ZEB2: variants seen among roughly 807,000 people sequenced by gnomAD.
ZEB2 encodes zinc finger E-box-binding homeobox 2.
Under a neutral mutation model 99.9 loss-of-function variants are expected in ZEB2, and 6 were observed. The ratio of observed to expected loss-of-function variants is 0.06; its 90% CI spans 0.03 to 0.12. The LOEUF is 0.12. ZEB2 is among the 10% of genes least tolerant of loss of function. The probability of loss-of-function intolerance (pLI) is 1.00; values close to 1 mark genes in which losing one functional copy is unlikely to be tolerated. For synonymous variants in ZEB2, 517 were observed against 542.5 expected (o/e 0.95, Z 0.65); for missense variants, 969 against 1,502.8 (o/e 0.64, Z 5.87).
At chr2:144,416,597 T>C (rs1703543070) in intron 4 of ZEB2, among the ~76,000 whole-genome samples, 1 of 152,186 alleles carries the variant, frequency 6.6e-6, no homozygotes, top group Non-Finnish European at 1.5e-5. Flanking sequence ...TTCTCTCCTA[T>C]CATCATTCTG....
chr2:144,514,071 C>T (rs1560658901), intron 2 of ZEB2: 6 of 479,080 alleles, frequency 1.3e-5, no homozygotes, highest in South Asian at 3.0e-5. Flanking sequence ...ACTGACTGCC[C>T]GCTATGGGTT....
intron 2 of ZEB2, among the ~76,000 whole-genome samples, chr2:144,468,769 C>G (rs574935898): frequency 6.6e-6 from 1 of 152,204 alleles, no homozygotes; most frequent in South Asian, 2.1e-4. Flanking sequence ...AAACTCAGAG[C>G]ATATTCTGGG....
At position 144,384,797 on chromosome 2, in the gene ZEB2, A is replaced by G. The variant is rs1157790348; in HGVS notation, c.*4654T>C. ...AAAAATCACTGTGCACAGTTTAACAATTTAATTGAAAAAACCAAAGCTAAG... is the reference window on the plus strand; with the variant it reads ...AAAAATCACTGTGCACAGTTTAACAGTTTAATTGAAAAAACCAAAGCTAAG... On this transcript the variant is annotated 3_prime_UTR_variant, in exon 10 of 10. Transcript: ENST00000627532. 1 of 152,120 alleles carries G rather than the reference A, an allele frequency of 6.6e-6. No individual in the cohort carries two copies. The highest frequency in any genetic ancestry group is 1.5e-5 in the Non-Finnish European group (1 of 68,000). The allele number at this position is 152,120 out of a possible 1,614,324, so 9.4% of individuals were successfully genotyped here.
chr2:144,421,885 C>A (rs1055226678), intron 4 of ZEB2, among the ~76,000 whole-genome samples: 2 of 152,158 alleles, frequency 1.3e-5, no homozygotes, highest in African/African-American at 4.8e-5. Context: ...TTCCTATATT[C>A]CCATATCTAT....
chr2:144,455,622 C>A (rs1451461192), intron 2 of ZEB2, among the ~76,000 whole-genome samples: 2 of 152,130 alleles, frequency 1.3e-5, no homozygotes, highest in African/African-American at 4.8e-5. Flanking sequence ...TAACTTTATA[C>A]TCTTCTATGT....
At chr2:144,446,026 C>T (rs1703978417) in intron 2 of ZEB2, among the ~76,000 whole-genome samples, 1 of 152,136 alleles carries the variant, frequency 6.6e-6, no homozygotes, top group Non-Finnish European at 1.5e-5. Context: ...ACTCTACCTG[C>T]AGTGCCGTCT....
chr2:144,504,687 A>G (rs1253755945), intron 2 of ZEB2: 2 of 152,150 alleles, frequency 1.3e-5, no homozygotes, highest in African/African-American at 4.8e-5. Context: ...CACGTGTAAT[A>G]CCTCTGCTGC....
intron 2 of ZEB2, among the ~76,000 whole-genome samples, chr2:144,507,040 A>C (rs1015135702): frequency 6.6e-6 from 1 of 152,184 alleles, no homozygotes; most frequent in Non-Finnish European, 1.5e-5. Flanking sequence ...GTTTATCCTG[A>C]AGATTTAAAA....
At position 144,399,923 on chromosome 2, in the gene ZEB2, C is replaced by T. The variant is rs141793065; in HGVS notation, c.1264G>A (p.Ala422Thr). The change falls in exon 8 of 10, where the codon GCC (alanine) becomes ACC (threonine). Residue 422 changes from alanine to threonine, a missense_variant. By Grantham distance (58) the Ala-to-Thr change is moderately conservative. This residue lies in a region of ZEB2 where 227 missense variants were observed against 278.2 expected (regional missense o/e 0.82). Transcript: ENST00000627532. This position sits in a 1 kb window ranked among gnomAD's most constrained non-coding sequence, Gnocchi z 5.6. ...GGATGAACTCCTAAAGGGCTGGTGG[C>T]TCCAAGCCCACCATTCATAAAGGGA... ...TSPFMNGGLG[A>T]TSPLGVHPSA... is the part of the protein sequence containing the mutation. The T allele has an allele frequency of 2.8e-5, 46 of 1,614,200 alleles. No individual in the cohort carries two copies. Among genetic ancestry groups the T allele is most frequent in the Non-Finnish European group, 3.8e-5 (45 of 1,180,028 alleles).
At chr2:144,446,292 TC>T (rs1703982660) in intron 2 of ZEB2, among the ~76,000 whole-genome samples, 2 of 152,042 alleles carry the variant, frequency 1.3e-5, no homozygotes. Context: ...TATTGAATCA[TC>T]CTTTCCCCTC....
At chr2:144,486,441 C>A (rs1327619933) in intron 2 of ZEB2, among the ~76,000 whole-genome samples, 3 of 151,484 alleles carry the variant, frequency 2.0e-5, no homozygotes, top group Non-Finnish European at 4.4e-5. Flanking sequence ...AATGGTCATT[C>A]AAGTGGAACT....
chr2:144,464,394 T>A (rs982789977), intron 2 of ZEB2: 1 of 152,178 alleles, frequency 6.6e-6, no homozygotes, highest in African/African-American at 2.4e-5. Flanking sequence ...AAATCTACCA[T>A]TTGGTTATTT....
At chr2:144,470,353 T>A (rs1194160749) in intron 2 of ZEB2, 1 of 152,130 alleles carries the variant, frequency 6.6e-6, no homozygotes. Flanking sequence ...GAGAAAAAAT[T>A]TGAAGTCATA....
At position 144,388,377 on chromosome 2, in the gene ZEB2, C is replaced by T. The variant is rs1164453180; in HGVS notation, c.*1074G>A. 1 of 152,452 alleles carries T rather than the reference C, an allele frequency of 6.6e-6. No individual in the cohort carries two copies. Among genetic ancestry groups the T allele is most frequent in the Non-Finnish European group, 1.5e-5 (1 of 67,982 alleles). The allele number at this position is 152,452 out of a possible 1,614,324, so 9.4% of individuals were successfully genotyped here. The stretch of plus-strand genomic sequence containing the variant: ...TTGCCCAAATGATCAACGTCATGTT[C>T]CTTTTTTACTAAAATATATCTATAT... On this transcript the variant is annotated 3_prime_UTR_variant, in exon 10 of 10. Coordinates refer to ENST00000627532, the MANE Select transcript of ZEB2 (RefSeq NM_014795.4). This position sits in a 1 kb window ranked among gnomAD's most constrained non-coding sequence, Gnocchi z 5.4.
chr2:144,499,636 AT>A (rs1212620118), intron 2 of ZEB2, among the ~76,000 whole-genome samples: 2 of 152,152 alleles, frequency 1.3e-5, no homozygotes, highest in African/African-American at 4.8e-5. Context: ...CTTATTATAA[AT>A]TTTCTGTTTC....
At chr2:144,475,988 A>G (rs1704424110) in intron 2 of ZEB2, among the ~76,000 whole-genome samples, 1 of 152,182 alleles carries the variant, frequency 6.6e-6, no homozygotes, top group Non-Finnish European at 1.5e-5. Context: ...AAGGATCTGT[A>G]AAAACCTACT....
intron 2 of ZEB2, chr2:144,495,737 T>C (rs1704748580): frequency 6.6e-6 from 1 of 152,286 alleles, no homozygotes; most frequent in South Asian, 2.1e-4. Flanking sequence ...CTCACTTCAC[T>C]GGGCACCCAG....
intron 2 of ZEB2, among the ~76,000 whole-genome samples, chr2:144,437,348 C>T (rs184446869): frequency 6.6e-6 from 1 of 152,298 alleles, no homozygotes; most frequent in East Asian, 1.9e-4. Context: ...ATATATTGTA[C>T]ATCTACTGCC....
chr2:144,444,458 G>C (rs1236053797), intron 2 of ZEB2, among the ~76,000 whole-genome samples: 1 of 152,192 alleles, frequency 6.6e-6, no homozygotes, highest in Non-Finnish European at 1.5e-5. Context: ...TCAGAGGACT[G>C]CTGACTGTCA....
Sources: allele counts gnomAD v4.1 joint callset (sites outside exome capture counted in the v4.1 genomes callset), GRCh38; gene constraint gnomAD v4.1.1; regional missense constraint gnomAD v4.1.1; non-coding constraint Gnocchi (gnomAD v3.1); transcripts MANE v1.5; gene names NCBI Gene and HGNC (gene_info 2026-07-23, HGNC 2026-07-21).